SPRR2G: variants seen among roughly 807,000 people sequenced by gnomAD.
SPRR2G encodes the protein small proline-rich protein 2G.
In SPRR2G, 1 loss-of-function variant was observed where a neutral mutation model predicts 0.7. The observed-to-expected ratio is 1.49, with a 90% confidence interval of 0.53 to 7.06. The LOEUF (loss-of-function observed/expected upper bound fraction) is 7.06, where lower values mean the gene tolerates loss of function less well. SPRR2G is among the 30% of genes most tolerant of loss of function. SPRR2G has a pLI of 0.14. For synonymous variants in SPRR2G, 38 were observed against 33.9 expected, an observed-to-expected ratio of 1.12 and a Z score of -0.42; for missense variants, 96 against 88.5, an observed-to-expected ratio of 1.09 and a Z score of -0.34.
the SPRR2G span, among the ~76,000 whole-genome samples, chr1:153,174,940 A>C: frequency 2.0e-5 from 3 of 152,190 alleles, no homozygotes; most frequent in East Asian, 5.8e-4. Context: ...GAAAGAAGAA[A>C]CACTTAATAC....
chr1:153,177,904 G>A, the SPRR2G span, among the ~76,000 whole-genome samples: 3 of 150,520 alleles, frequency 2.0e-5, no homozygotes, highest in African/African-American at 7.3e-5. Flanking sequence ...TATTAGGATT[G>A]CAAGGAATAA....
At chr1:153,191,240 AG>A in the SPRR2G span, 1 of 152,418 alleles carries the variant, frequency 6.6e-6, no homozygotes, top group African/African-American at 2.4e-5. Context: ...CATCAGTGTC[AG>A]GGCTGCAGGA....
the SPRR2G span, among the ~76,000 whole-genome samples, chr1:153,198,431 G>T: frequency 6.6e-6 from 1 of 152,348 alleles, no homozygotes; most frequent in East Asian, 1.9e-4. Flanking sequence ...GGAGACCTGT[G>T]ATGATGATGC....
the SPRR2G span, among the ~76,000 whole-genome samples, chr1:153,196,942 A>C: frequency 6.6e-6 from 1 of 152,160 alleles, no homozygotes; most frequent in African/African-American, 2.4e-5. Context: ...CCTGGTGGGC[A>C]CCTTAGGAGG....
At chr1:153,153,952 G>T (rs781215066), upstream of SPRR2G, among the ~76,000 whole-genome samples, 4 of 152,014 alleles carry the variant, frequency 2.6e-5, no homozygotes, top group Non-Finnish European at 4.4e-5. Flanking sequence ...TTAGCTGTGG[G>T]TTACTCACAT....
the SPRR2G span, among the ~76,000 whole-genome samples, chr1:153,199,185 T>C: frequency 6.6e-6 from 1 of 152,174 alleles, no homozygotes; most frequent in Non-Finnish European, 1.5e-5. Context: ...GGAGGATGTA[T>C]ATCTGGTTCC....
chr1:153,160,939 T>C, the SPRR2G span, among the ~76,000 whole-genome samples: 9 of 151,602 alleles, frequency 5.9e-5, no homozygotes, highest in East Asian at 1.6e-3. Flanking sequence ...ATGTCCTTTG[T>C]AGGGACATGG....
upstream of SPRR2G, among the ~76,000 whole-genome samples, chr1:153,154,560 T>C (rs1458272169): frequency 2.6e-5 from 4 of 152,166 alleles, no homozygotes; most frequent in Non-Finnish European, 5.9e-5. Flanking sequence ...GATTTTCTAT[T>C]TCTTCATGAT....
At chr1:153,163,787 A>G in the SPRR2G span, among the ~76,000 whole-genome samples, 1 of 152,172 alleles carries the variant, frequency 6.6e-6, no homozygotes, top group Non-Finnish European at 1.5e-5. Flanking sequence ...ATATTCCTAA[A>G]CAGCCAGTTA....
the SPRR2G span, among the ~76,000 whole-genome samples, chr1:153,178,670 A>C: frequency 6.6e-6 from 1 of 152,058 alleles, no homozygotes; most frequent in African/African-American, 2.4e-5. Flanking sequence ...TGCTAGACTC[A>C]ATTTACTGAT....
At chr1:153,158,540 C>T in the SPRR2G span, among the ~76,000 whole-genome samples, 5 of 152,210 alleles carry the variant, frequency 3.3e-5, no homozygotes, top group African/African-American at 1.2e-4. Flanking sequence ...GCATTGAGTG[C>T]CTGCAGCTTT....
the SPRR2G span, among the ~76,000 whole-genome samples, chr1:153,192,351 A>T: frequency 1.4e-4 from 22 of 152,318 alleles, no homozygotes; most frequent in Middle Eastern, 3.4e-3. Flanking sequence ...GAATCTAATC[A>T]TATTATATCC....
the SPRR2G span, among the ~76,000 whole-genome samples, chr1:153,168,188 A>C: frequency 6.6e-6 from 1 of 152,234 alleles, no homozygotes; most frequent in African/African-American, 2.4e-5. Flanking sequence ...AAGCACCATC[A>C]GTTCTGGAAA....
the SPRR2G span, among the ~76,000 whole-genome samples, chr1:153,168,979 G>A: frequency 6.6e-6 from 1 of 151,562 alleles, no homozygotes; most frequent in African/African-American, 2.4e-5. Context: ...TCAGCCTTGA[G>A]AAACAAAAAT....
the SPRR2G span, among the ~76,000 whole-genome samples, chr1:153,156,092 T>TA: frequency 8.5e-5 from 13 of 152,314 alleles, no homozygotes; most frequent in South Asian, 2.1e-4. Context: ...AAATAGTTGT[T>TA]AAAAAAATAA....
the SPRR2G span, among the ~76,000 whole-genome samples, chr1:153,158,620 T>C: frequency 6.6e-6 from 1 of 152,208 alleles, no homozygotes; most frequent in East Asian, 1.9e-4. Flanking sequence ...GCCCTCTTCT[T>C]ACAGCTCCAC....
the SPRR2G span, among the ~76,000 whole-genome samples, chr1:153,172,621 C>CA: frequency 1.3e-5 from 2 of 151,962 alleles, no homozygotes; most frequent in East Asian, 1.9e-4. Context: ...GTTTCCGGTA[C>CA]AAAAAAAGAG....
chr1:153,182,933 G>A, the SPRR2G span, among the ~76,000 whole-genome samples: 8,440 of 152,058 alleles, frequency 0.056, 818 homozygotes, highest in African/African-American at 0.19. Context: ...TGGTATTTCT[G>A]GTTAGAGATC....
the SPRR2G span, among the ~76,000 whole-genome samples, chr1:153,159,723 A>C: frequency 1.3e-5 from 2 of 152,214 alleles, no homozygotes; most frequent in African/African-American, 4.8e-5. Flanking sequence ...CAATCATGGC[A>C]GAAGGCAAAG....
Sources: gnomAD v4.1 joint callset for allele counts (sites outside exome capture counted in the v4.1 genomes callset) on GRCh38, gnomAD v4.1.1 for gene constraint, MANE v1.5 for transcripts, NCBI Gene and HGNC (gene_info 2026-07-23, HGNC 2026-07-21) for gene names.